The following EXPH5 variants were observed in gnomAD, a reference collection of about 807,000 sequenced individuals.
EXPH5 encodes exophilin-5.
A neutral mutation model predicts 41.1 loss-of-function variants in EXPH5; 42 were observed. The observed-to-expected ratio is 1.02, with a 90% confidence interval of 0.80 to 1.32. EXPH5 has a LOEUF of 1.32. Ranked by LOEUF, EXPH5 falls within the 40% of genes most tolerant of loss-of-function variation. The probability of loss-of-function intolerance (pLI) is 0.00; values close to 1 mark genes in which losing one functional copy is unlikely to be tolerated. For missense variants in EXPH5, 2,298 were observed against 2,314.5 expected, an observed-to-expected ratio of 0.99 and a Z score of 0.15; for synonymous variants, 798 against 833.5, an observed-to-expected ratio of 0.96 and a Z score of 0.73.
At chr11:108,596,667 C>A (rs11212728), upstream of EXPH5, among the ~76,000 whole-genome samples, 37,423 of 152,004 alleles carry the variant, frequency 0.25, 5,183 homozygotes, top group South Asian at 0.37. Flanking sequence ...CCTAAGATAG[C>A]AAAGGAAGGA....
intron 1 of EXPH5, among the ~76,000 whole-genome samples, chr11:108,562,355 G>A (rs572341422): frequency 1.4e-4 from 21 of 150,498 alleles, no homozygotes; most frequent in African/African-American, 4.9e-4. Context: ...CACTTTGGGA[G>A]GTCGAGGTGG....
At chr11:108,562,265 G>GTGTTT (rs1555197205) in intron 1 of EXPH5, among the ~76,000 whole-genome samples, 1 of 104,602 alleles carries the variant, frequency 9.6e-6, no homozygotes, top group Non-Finnish European at 2.2e-5. Context: ...TTTTTTCTGT[G>GTGTTT]TTTTTTTTTT....
intron 1 of EXPH5, among the ~76,000 whole-genome samples, chr11:108,579,110 C>T (rs144352203): frequency 2.2e-4 from 34 of 152,108 alleles, no homozygotes; most frequent in Non-Finnish European, 4.9e-4. Context: ...TTTCAGTTTT[C>T]CCCCACTCAG....
chr11:108,532,366 A>ATATT (rs1555192606), intron 3 of EXPH5, among the ~76,000 whole-genome samples: 4 of 32,138 alleles, frequency 1.2e-4, no homozygotes, highest in African/African-American at 6.1e-4. Flanking sequence ...ATATATATAT[A>ATATT]TTTTTTTTTT....
chr11:108,593,559 C>A lies in EXPH5; in HGVS notation c.-23G>T, dbSNP rs1467319109. On this transcript the variant is annotated 5_prime_UTR_variant, in exon 1 of 6. Transcript: ENST00000265843. Reference sequence around the variant, plus strand: ...CATTTTCTTTACTGTGTGTGAGTTACACTTAAGCTCCTTGGCGCCTCCTGT... The same window carrying A: ...CATTTTCTTTACTGTGTGTGAGTTAAACTTAAGCTCCTTGGCGCCTCCTGT... 1 of 1,614,016 alleles carries A rather than the reference C, an allele frequency of 6.2e-7. No individual in the cohort carries two copies. The highest frequency in any genetic ancestry group is 8.5e-7 in the Non-Finnish European group (1 of 1,179,972).
chr11:108,605,709 G>A, the EXPH5 span, among the ~76,000 whole-genome samples: 114 of 152,340 alleles, frequency 7.5e-4, no homozygotes, highest in African/African-American at 2.5e-3. Context: ...CCTTTGAAAA[G>A]CTACTCAGTT....
intron 1 of EXPH5, among the ~76,000 whole-genome samples, chr11:108,573,225 A>G (rs2094068885): frequency 6.6e-6 from 1 of 152,018 alleles, no homozygotes; most frequent in African/African-American, 2.4e-5. Context: ...AAAGAAAGGG[A>G]AAGCAAACCA....
At chr11:108,568,602 A>G (rs1179234359) in intron 1 of EXPH5, among the ~76,000 whole-genome samples, 1 of 152,162 alleles carries the variant, frequency 6.6e-6, no homozygotes, top group Non-Finnish European at 1.5e-5. Flanking sequence ...TAAATATTTC[A>G]AAGTTGATGG....
chr11:108,518,453 C>A, intron 4 of EXPH5, 80 bp from the exon 5 acceptor site: 1 of 1,326,928 alleles, frequency 7.5e-7, no homozygotes, highest in Non-Finnish European at 1.1e-6. Flanking sequence ...CCAAACTGTC[C>A]CAAGCTTAAA....
At chr11:108,602,306 C>CT in the EXPH5 span, among the ~76,000 whole-genome samples, 2 of 152,180 alleles carry the variant, frequency 1.3e-5, no homozygotes, top group South Asian at 4.1e-4. Context: ...GTGCCAGGCA[C>CT]TGTTTTACAG....
At chr11:108,579,766 C>CTCATCCAAATGCACTTGCAT (rs1334822144) in intron 1 of EXPH5, among the ~76,000 whole-genome samples, 1 of 152,152 alleles carries the variant, frequency 6.6e-6, no homozygotes, top group Admixed American at 6.5e-5. Context: ...CTGATTTGGA[C>CTCATCCAAATGCACTTGCAT]TCAGAGTAGT....
At chr11:108,581,165 G>T (rs143161220) in intron 1 of EXPH5, among the ~76,000 whole-genome samples, 2 of 152,166 alleles carry the variant, frequency 1.3e-5, no homozygotes, top group Admixed American at 6.5e-5. Flanking sequence ...TTAGCCAGGC[G>T]TGGTGGTGAG....
At chr11:108,536,658 T>C (rs1238928721) in intron 3 of EXPH5, among the ~76,000 whole-genome samples, 1 of 152,208 alleles carries the variant, frequency 6.6e-6, no homozygotes, top group Non-Finnish European at 1.5e-5. Context: ...AGATACCATA[T>C]ACTTTTATTG....
At chr11:108,543,147 G>A (rs1057299722) in intron 1 of EXPH5, among the ~76,000 whole-genome samples, 15 of 152,250 alleles carry the variant, frequency 9.9e-5, no homozygotes, top group African/African-American at 2.6e-4. Context: ...GCCATGCAGC[G>A]CACAAATGTG....
At chr11:108,525,770 G>C (rs764540304) in intron 4 of EXPH5, among the ~76,000 whole-genome samples, 1 of 152,074 alleles carries the variant, frequency 6.6e-6, no homozygotes, top group Non-Finnish European at 1.5e-5. Flanking sequence ...CTGTGGGGTT[G>C]AGGGGATAGA....
Position 108,513,743 on chromosome 11 carries a change from T to G in EXPH5, c.1764A>C (p.Ser588=). The change falls in exon 6 of 6, where the codon TCA becomes TCC. Residue 588 remains serine (S), a synonymous_variant. Coordinates refer to ENST00000265843, the MANE Select transcript of EXPH5 (RefSeq NM_015065.3). ...GTPNVCSMTG[S]SYHVKSSELV... is the part of the protein sequence containing the mutation. ...ACTCACTAGATTTGACGTGATAGCTTGAACCAGTCATGGAGCAAACATTTG... is the reference window on the plus strand; with the variant it reads ...ACTCACTAGATTTGACGTGATAGCTGGAACCAGTCATGGAGCAAACATTTG... The G allele has an allele frequency of 6.2e-7, 1 of 1,611,244 alleles. No homozygotes were observed. The highest frequency in any genetic ancestry group is 8.5e-7 in the Non-Finnish European group (1 of 1,178,914).
rs556154863 is a variant in EXPH5, at chr11:108,515,500, T to C, written c.632-625A>G. Among the ~76,000 whole-genome samples the C allele has an allele frequency of 2.1e-4, 21 of 99,162 alleles. No homozygotes were observed. In the South Asian group the frequency reaches 7.1e-3, roughly 34 times the overall value. 65.1% of individuals were successfully genotyped at this position (99,162 alleles called of 152,430 possible). A position where few individuals can be genotyped will look rare whatever the true frequency, so the allele number is the denominator to read the frequency against. Reference sequence around the variant, plus strand: ...TAAATGATATGCCAATGGTAGATTTTTTTTTCTGGAAAAATTAATACCCAT... The same window carrying C: ...TAAATGATATGCCAATGGTAGATTTCTTTTTCTGGAAAAATTAATACCCAT... On this transcript the variant is annotated intron_variant, in intron 5 of 5. Coordinates refer to ENST00000265843, the MANE Select transcript of EXPH5 (RefSeq NM_015065.3).
chr11:108,522,841 T>C (rs1023068415), intron 4 of EXPH5, among the ~76,000 whole-genome samples: 9 of 152,038 alleles, frequency 5.9e-5, no homozygotes, highest in Non-Finnish European at 1.2e-4. Flanking sequence ...ATAAGGATGT[T>C]CAAACACCTT....
intron 1 of EXPH5, among the ~76,000 whole-genome samples, chr11:108,545,230 A>G (rs2093932326): frequency 6.6e-6 from 1 of 152,214 alleles, no homozygotes; most frequent in Non-Finnish European, 1.5e-5. Flanking sequence ...CCTGGGCAAC[A>G]TGGTGAGACC....
Sources: gnomAD v4.1 joint callset for allele counts (sites outside exome capture counted in the v4.1 genomes callset) on GRCh38, gnomAD v4.1.1 for gene constraint, MANE v1.5 for transcripts, NCBI Gene and HGNC (gene_info 2026-07-23, HGNC 2026-07-21) for gene names.